The following SSPN variants were observed in gnomAD, a reference collection of about 807,000 sequenced individuals.
The protein encoded by SSPN is sarcospan.
In SSPN, 15 loss-of-function variants were observed where a neutral mutation model predicts 19.1. That is an observed-to-expected ratio of 0.78 (90% confidence interval 0.52 to 1.21). The LOEUF is 1.21. Among genes scored for constraint, SSPN ranks in the 50% most tolerant of loss-of-function variants. The pLI is 0.00. For missense variants in SSPN, 291 were observed against 314.0 expected (o/e 0.93, Z 0.55); for synonymous variants, 147 against 140.3 (o/e 1.05, Z -0.34).
At chr12:26,201,019 A>ATATATATATATATATATATATAT in intron 1 of SSPN, among the ~76,000 whole-genome samples, 2 of 44,808 alleles carry the variant, frequency 4.5e-5, no homozygotes, top group African/African-American at 2.5e-4. Flanking sequence ...GTGTATATAT[A>ATATATATATATATATATATATAT]TATATATATA....
intron 1 of SSPN, chr12:26,211,518 G>T (rs1433139992): frequency 6.6e-6 from 1 of 152,214 alleles, no homozygotes; most frequent in Non-Finnish European, 1.5e-5. Flanking sequence ...ACGTCTTACA[G>T]ATCTTCCTAG....
At chr12:26,206,632 A>G (rs907293218) in intron 1 of SSPN, among the ~76,000 whole-genome samples, 1 of 152,178 alleles carries the variant, frequency 6.6e-6, no homozygotes, top group African/African-American at 2.4e-5. Flanking sequence ...AGTAGGCTCA[A>G]TCCACATCAG....
At chr12:26,194,197 A>G (rs149974520), upstream of SSPN, among the ~76,000 whole-genome samples, 646 of 152,354 alleles carry the variant, frequency 4.2e-3, 2 homozygotes, top group African/African-American at 0.015. Flanking sequence ...GCTACTGAGT[A>G]GAGGTATGCG....
chr12:26,231,907 C>T lies in SSPN; in HGVS notation c.*831C>T. 1 of 978,022 alleles carries T rather than the reference C, an allele frequency of 1.0e-6. No individual in the cohort carries two copies. Among genetic ancestry groups the T allele is most frequent in the Middle Eastern group, 5.3e-4 (1 of 1,902 alleles). The allele number at this position is 978,022 out of a possible 1,614,324, so 60.6% of individuals were successfully genotyped here. On this transcript the variant is annotated 3_prime_UTR_variant, in exon 3 of 3. Transcript: ENST00000242729. ...TATGCTCAGAAGTCTATTTAATGAG[C>T]TCTGACTGTACTTACGCTGCACTGT...
In SSPN at chr12:26,187,431, T is replaced by G. The variant is rs947048298; in HGVS notation, c.-30-36862T>G. Among the ~76,000 whole-genome samples, 4 of 152,262 alleles carry G rather than the reference T, an allele frequency of 2.6e-5. No homozygotes were observed. In the East Asian group the frequency reaches 7.7e-4, roughly 29 times the overall value. On this transcript the variant is annotated intron_variant, in intron 1 of 2. Coordinates refer to the SSPN transcript ENST00000538142. ...CTAAATGTAGCTTAATGTTAGATTATTGAAACATTGTTTTTGATACACCAG... is the reference window on the plus strand; with the variant it reads ...CTAAATGTAGCTTAATGTTAGATTAGTGAAACATTGTTTTTGATACACCAG...
chr12:26,122,211 G>C, intron 1 of SSPN: 1 of 1,335,988 alleles, frequency 7.5e-7, no homozygotes, highest in Non-Finnish European at 9.6e-7. Flanking sequence ...CACCTCGTGC[G>C]GCAGGAGGGT....
At chr12:26,184,994 T>G (rs1014267394) in intron 1 of SSPN, among the ~76,000 whole-genome samples, 1 of 152,226 alleles carries the variant, frequency 6.6e-6, no homozygotes, top group African/African-American at 2.4e-5. Context: ...TTTTCTTCTC[T>G]TGTGATACTT....
At chr12:26,201,100 G>A (rs1944881156) in intron 1 of SSPN, among the ~76,000 whole-genome samples, 1 of 143,964 alleles carries the variant, frequency 6.9e-6, no homozygotes, top group Admixed American at 7.1e-5. Flanking sequence ...GGTGAGGCCG[G>A]GCATGGTGTC....
At chr12:26,128,367 C>T (rs1944378687) in intron 1 of SSPN, among the ~76,000 whole-genome samples, 1 of 152,210 alleles carries the variant, frequency 6.6e-6, no homozygotes, top group South Asian at 2.1e-4. Context: ...GTCAGTGAGT[C>T]ATTCAGTTGG....
Position 26,195,822 on chromosome 12 carries a change from C to T in SSPN, c.150C>T (p.Cys50=), listed in dbSNP as rs755397203. The stretch of plus-strand genomic sequence containing the variant: ...AGGAGCCCCGGACCTGCTGCGGCTG[C>T]CGGTTCCCGCTGCTGCTCGCCCTGC... The part of the protein sequence containing the change: ...GEEEPRTCCG[C]RFPLLLALLQ... Residue 50 remains cysteine, a synonymous_variant, in exon 1 of 3, where the codon TGC becomes TGT. Transcript: ENST00000242729. 3 of 1,536,722 alleles carry T rather than the reference C, an allele frequency of 2.0e-6. No homozygotes were observed. Among genetic ancestry groups the T allele is most frequent in the Middle Eastern group, 2.0e-4 (1 of 4,974 alleles).
chr12:26,133,620 G>T (rs200103678), intron 1 of SSPN, among the ~76,000 whole-genome samples: 1 of 108,540 alleles, frequency 9.2e-6, no homozygotes, highest in Non-Finnish European at 2.0e-5. Context: ...CTTGACAATT[G>T]GTTCAGGGAA....
chr12:26,200,608 G>A (rs369739869), intron 1 of SSPN, among the ~76,000 whole-genome samples: 3 of 152,186 alleles, frequency 2.0e-5, no homozygotes, highest in Non-Finnish European at 4.4e-5. Context: ...AACTGGAAGA[G>A]AGAAAGGTTT....
chr12:26,209,158 TG>T (rs1944958847), intron 1 of SSPN, among the ~76,000 whole-genome samples: 2 of 152,166 alleles, frequency 1.3e-5, no homozygotes, highest in Admixed American at 6.6e-5. Flanking sequence ...TGACCAAAGA[TG>T]ATCTCACCAT....
intron 1 of SSPN, chr12:26,123,644 A>G (rs1476535889): frequency 1.2e-6 from 2 of 1,613,244 alleles, no homozygotes; most frequent in Non-Finnish European, 1.7e-6. Flanking sequence ...CTGTAAAGCA[A>G]TTATCTTCTG....
At chr12:26,223,206 T>C (rs1467854865) in intron 1 of SSPN, among the ~76,000 whole-genome samples, 1 of 152,120 alleles carries the variant, frequency 6.6e-6, no homozygotes, top group East Asian at 1.9e-4. Flanking sequence ...CCCTTTTTGC[T>C]CTATATGTTT....
Position 26,187,187 on chromosome 12 carries a change from G to A in SSPN, c.-30-37106G>A, listed in dbSNP as rs995909464. On this transcript the variant is annotated intron_variant, in intron 1 of 2. Transcript: ENST00000538142. ...TCCCTGTGCCCAACCCTTAACCCCA[G>A]GGCAGAGATGCCAAGCTTGGCCAGG... Among the ~76,000 whole-genome samples the A allele has an allele frequency of 8.5e-5, 13 of 152,200 alleles. 1 individual carries two copies. Among genetic ancestry groups the A allele is most frequent in the Admixed American group, 7.2e-4 (11 of 15,288 alleles).
At chr12:26,147,266 G>GT (rs145504465) in intron 1 of SSPN, among the ~76,000 whole-genome samples, 33,002 of 128,386 alleles carry the variant, frequency 0.26, 3,821 homozygotes, top group South Asian at 0.36. Flanking sequence ...TAATTTTTGG[G>GT]GTTTTTTTTG....
intron 1 of SSPN, among the ~76,000 whole-genome samples, chr12:26,165,760 G>A (rs141797162): frequency 3.9e-5 from 6 of 152,288 alleles, no homozygotes; most frequent in Middle Eastern, 3.4e-3. Context: ...ATCAACCTAG[G>A]ATAGAGAAAG....
At chr12:26,154,129 G>T (rs531343222) in intron 1 of SSPN, among the ~76,000 whole-genome samples, 15 of 152,164 alleles carry the variant, frequency 9.9e-5, no homozygotes, top group African/African-American at 3.6e-4. Context: ...TCTTGAACCC[G>T]AGCAGTTGCT....
Sources: gnomAD v4.1 joint callset for allele counts (sites outside exome capture counted in the v4.1 genomes callset) on GRCh38, gnomAD v4.1.1 for gene constraint, MANE v1.5 for transcripts, NCBI Gene and HGNC (gene_info 2026-07-23, HGNC 2026-07-21) for gene names.